Variants in VPS13B observed in about 807,000 individuals in gnomAD.
The protein encoded by VPS13B is intermembrane lipid transfer protein VPS13B.
VPS13B carries 285 observed loss-of-function variants against 426.4 expected under a neutral mutation model. That is an observed-to-expected ratio of 0.67 (90% CI 0.61 to 0.74). The LOEUF (loss-of-function observed/expected upper bound fraction) is 0.74, where lower values mean the gene tolerates loss of function less well. Among genes scored for constraint, VPS13B ranks in the 30% least tolerant of loss-of-function variants. VPS13B has a pLI of 0.00. For synonymous variants in VPS13B, 1,676 were observed against 1,676.4 expected, an observed-to-expected ratio of 1.00 and a Z score of 0.01; for missense variants, 4,537 against 4,782.6, an observed-to-expected ratio of 0.95 and a Z score of 1.51.
chr8:99,053,178 T>C (rs1035299295), intron 3 of VPS13B, among the ~76,000 whole-genome samples: 1 of 152,038 alleles, frequency 6.6e-6, no homozygotes, highest in Non-Finnish European at 1.5e-5. Flanking sequence ...TTAGGGTACA[T>C]GTGCACAACA....
intron 30 of VPS13B, among the ~76,000 whole-genome samples, chr8:99,539,637 C>A (rs528681401): frequency 6.8e-4 from 103 of 152,158 alleles, no homozygotes; most frequent in South Asian, 1.5e-3. Context: ...ACTTGGGAGG[C>A]TGAGGCTGGA....
chr8:99,447,802 A>G (rs1169533272), intron 23 of VPS13B, among the ~76,000 whole-genome samples: 1 of 152,132 alleles, frequency 6.6e-6, no homozygotes, highest in Admixed American at 6.6e-5. Context: ...ATCATTCAAC[A>G]TATTTATCGT....
chr8:99,378,069 A>G (rs982324900), intron 19 of VPS13B, among the ~76,000 whole-genome samples: 1 of 149,622 alleles, frequency 6.7e-6, no homozygotes, highest in African/African-American at 2.5e-5. Flanking sequence ...GCAGGAGGCC[A>G]GGACGTGTTT....
intron 21 of VPS13B, among the ~76,000 whole-genome samples, chr8:99,409,155 A>G (rs1258039075): frequency 6.6e-6 from 1 of 152,156 alleles, no homozygotes; most frequent in East Asian, 1.9e-4. Context: ...TTTTAGGAAG[A>G]TAAAGATTTT....
At chr8:99,568,865 G>A (rs1442420938) in intron 31 of VPS13B, among the ~76,000 whole-genome samples, 1 of 149,984 alleles carries the variant, frequency 6.7e-6, no homozygotes, top group Non-Finnish European at 1.5e-5. Flanking sequence ...AGGCTGGAGT[G>A]CAGTGGCGCA....
chr8:99,809,619 A>T, intron 44 of VPS13B, 89 bp downstream of exon 44: 1 of 1,513,112 alleles, frequency 6.6e-7, no homozygotes, highest in Non-Finnish European at 9.1e-7. Context: ...TTAAAATCAC[A>T]GTGGTTATGC....
At chr8:99,787,982 CAG>C (rs1812349987) in intron 43 of VPS13B, among the ~76,000 whole-genome samples, 1 of 151,940 alleles carries the variant, frequency 6.6e-6, no homozygotes, top group Admixed American at 6.6e-5. Flanking sequence ...AGGCTCTAGA[CAG>C]AGCTATGGAA....
chr8:99,147,030 G>A (rs1254453074), intron 13 of VPS13B, among the ~76,000 whole-genome samples: 3 of 152,194 alleles, frequency 2.0e-5, no homozygotes, highest in East Asian at 1.9e-4. Context: ...ATATATACAT[G>A]GTCAGAATTG....
intron 19 of VPS13B, among the ~76,000 whole-genome samples, chr8:99,377,222 A>T (rs1813536656): frequency 6.6e-6 from 1 of 152,118 alleles, no homozygotes; most frequent in Non-Finnish European, 1.5e-5. Context: ...CTATCTTTCA[A>T]CATTTCTGTA....
rs991188277 is a variant in VPS13B, at chr8:99,868,549, C to T, written c.11392+84C>T. On this transcript the variant is annotated intron_variant, in intron 59 of 61. Coordinates refer to ENST00000357162, the MANE Select transcript of VPS13B (RefSeq NM_152564.5). ...CCAAGGGTTCCCTAAGATAGTGTAA[C>T]CTTTCACATGGCAGACAGTGGCTAT... 1.1e-5 allele frequency: 16 copies of T among 1,497,646 alleles called. No homozygotes were observed. In the Admixed American group the frequency reaches 2.9e-4, roughly 28 times the overall value. The allele number at this position is 1,497,646 out of a possible 1,614,324, so 92.8% of individuals were successfully genotyped here.
At chr8:99,243,724 G>C (rs1418064465) in intron 17 of VPS13B, among the ~76,000 whole-genome samples, 1 of 152,196 alleles carries the variant, frequency 6.6e-6, no homozygotes, top group Admixed American at 6.5e-5. Flanking sequence ...AGGGCCAACT[G>C]CCTTTAGTAG....
At chr8:99,119,068 T>G (rs1847815614) in intron 7 of VPS13B, among the ~76,000 whole-genome samples, 1 of 152,288 alleles carries the variant, frequency 6.6e-6, no homozygotes, top group Non-Finnish European at 1.5e-5. Context: ...TTTTTGCCAT[T>G]GGGATGAGTG....
intron 3 of VPS13B, among the ~76,000 whole-genome samples, chr8:99,059,730 C>T (rs1465141072): frequency 4.5e-5 from 5 of 110,170 alleles, no homozygotes; most frequent in African/African-American, 1.4e-4. Flanking sequence ...TTAGCTTCTG[C>T]TTTTTTTTTT....
chr8:99,289,079 G>A (rs2133040434), intron 19 of VPS13B, among the ~76,000 whole-genome samples: 1 of 152,142 alleles, frequency 6.6e-6, no homozygotes, highest in East Asian at 1.9e-4. Context: ...AGGAAGGAAG[G>A]AAGGAAAGAA....
chr8:99,020,541 A>G lies in VPS13B; in HGVS notation c.147+6606A>G, dbSNP rs537475071. Among the ~76,000 whole-genome samples the G allele has an allele frequency of 5.9e-5, 9 of 152,332 alleles. No homozygotes were observed. The South Asian group carries it at 1.7e-3, about 28-fold the overall frequency. ...TCATTGTCTGGATTTTTGCTGTCAT[A>G]TCCAAGAAATCATTGTCAAATCTAA... is the stretch of plus-strand genomic sequence containing the variant. On this transcript the variant is annotated intron_variant, in intron 2 of 61. Transcript: ENST00000357162.
intron 24 of VPS13B, 110 bp downstream of exon 24, chr8:99,467,744 T>A: frequency 8.5e-7 from 1 of 1,174,194 alleles, no homozygotes. Context: ...AAATTATTTT[T>A]AACTTGGCCA....
In VPS13B at chr8:99,235,103, TA is replaced by T. The variant is rs1380536979; in HGVS notation, c.2516-39094del. Among the ~76,000 whole-genome samples, 17 of 151,318 alleles carry T rather than the reference TA, an allele frequency of 1.1e-4. No individual in the cohort carries two copies. In the East Asian group the frequency reaches 3.1e-3, roughly 28 times the overall value. ...ATTTTTAATTAATGAATTGTTGGTA[TA>T]GGGGAAAGAAAATATAATTAGTTGC... On this transcript the variant is annotated intron_variant, in intron 17 of 61. Coordinates refer to ENST00000357162, the MANE Select transcript of VPS13B (RefSeq NM_152564.5).
chr8:99,861,559 C>T (rs577990697), intron 57 of VPS13B, among the ~76,000 whole-genome samples: 49 of 152,352 alleles, frequency 3.2e-4, no homozygotes, highest in African/African-American at 8.4e-4. Flanking sequence ...GCGCTGGCCT[C>T]CCACAGTGCT....
At chr8:99,478,669 G>C (rs1432265143) in intron 24 of VPS13B, among the ~76,000 whole-genome samples, 1 of 151,398 alleles carries the variant, frequency 6.6e-6, no homozygotes, top group Non-Finnish European at 1.5e-5. Flanking sequence ...GGCTGGTGTT[G>C]AACTCCTGAC....
Sources: allele counts gnomAD v4.1 joint callset (sites outside exome capture counted in the v4.1 genomes callset), GRCh38; gene constraint gnomAD v4.1.1; transcripts MANE v1.5; gene names NCBI Gene and HGNC (gene_info 2026-07-23, HGNC 2026-07-21).